The following ATP8A2 variants were observed in gnomAD, a reference collection of about 807,000 sequenced individuals.
The protein encoded by ATP8A2 is ATPase phospholipid transporting 8A2.
In ATP8A2, 100 loss-of-function variants were observed where a neutral mutation model predicts 165.6. The ratio of observed to expected loss-of-function variants is 0.60; its 90% confidence interval spans 0.51 to 0.71. The LOEUF (loss-of-function observed/expected upper bound fraction) is 0.71. Ranked by LOEUF, ATP8A2 falls within the 30% of genes least tolerant of loss-of-function variation. The pLI is 0.00. For synonymous variants in ATP8A2, 543 were observed against 548.8 expected (o/e 0.99, Z 0.15); for missense variants, 1,227 against 1,479.5 (o/e 0.83, Z 2.80).
At chr13:25,968,344 G>C (rs928662794) in intron 34 of ATP8A2, among the ~76,000 whole-genome samples, 1 of 152,178 alleles carries the variant, frequency 6.6e-6, no homozygotes, top group Non-Finnish European at 1.5e-5. Flanking sequence ...GCGGGGTGGG[G>C]GTGACTCTTG....
At chr13:25,589,494 A>C (rs1403030693) in intron 23 of ATP8A2, 141 bp from the exon 24 acceptor site, 1 of 582,678 alleles carries the variant, frequency 1.7e-6, no homozygotes, top group Non-Finnish European at 3.1e-6. Context: ...AAATCAACTT[A>C]CTTTTCCTAC....
intron 2 of ATP8A2, among the ~76,000 whole-genome samples, chr13:25,512,615 GGGA>G (rs2037275310): frequency 2.0e-5 from 3 of 148,322 alleles, no homozygotes; most frequent in South Asian, 2.1e-4. Context: ...CTCCCGGACG[GGGA>G]GGCTGGCTGG....
At chr13:25,404,283 T>A (rs1223894483) in intron 1 of ATP8A2, among the ~76,000 whole-genome samples, 1 of 152,058 alleles carries the variant, frequency 6.6e-6, no homozygotes, top group African/African-American at 2.4e-5. Flanking sequence ...AGCCTGGAGA[T>A]GTGTGAGAGC....
At chr13:25,566,469 G>A (rs2039317087) in intron 16 of ATP8A2, among the ~76,000 whole-genome samples, 2 of 152,218 alleles carry the variant, frequency 1.3e-5, no homozygotes, top group Admixed American at 6.5e-5. Context: ...TTCAGGTTGA[G>A]GGTAACCACA....
intron 25 of ATP8A2, among the ~76,000 whole-genome samples, chr13:25,723,241 C>G (rs537381085): frequency 6.6e-6 from 1 of 152,288 alleles, no homozygotes; most frequent in African/African-American, 2.4e-5. Flanking sequence ...CTAAATAATG[C>G]AAACTTATAT....
chr13:25,586,048 A>G (rs1355815486), intron 23 of ATP8A2, among the ~76,000 whole-genome samples: 1 of 152,208 alleles, frequency 6.6e-6, no homozygotes, highest in Non-Finnish European at 1.5e-5. Context: ...TATGTGCCCG[A>G]TACTGCACTA....
intron 35 of ATP8A2, among the ~76,000 whole-genome samples, chr13:26,007,065 A>G (rs1254751589): frequency 6.7e-6 from 1 of 149,674 alleles, no homozygotes; most frequent in Non-Finnish European, 1.5e-5. Flanking sequence ...TCTTCTCATT[A>G]TTTCAGAATT....
intron 6 of ATP8A2, among the ~76,000 whole-genome samples, chr13:25,534,981 G>C (rs573673120): frequency 2.0e-5 from 3 of 152,226 alleles, no homozygotes; most frequent in Non-Finnish European, 4.4e-5. Flanking sequence ...CTGGGAGAGA[G>C]AGGCAACTAA....
intron 24 of ATP8A2, among the ~76,000 whole-genome samples, chr13:25,636,306 G>T (rs1327473985): frequency 1.3e-5 from 2 of 152,258 alleles, no homozygotes; most frequent in East Asian, 3.9e-4. Context: ...TAAGAAATAT[G>T]AGTTGACAGA....
chr13:25,599,844 TG>T (rs2138363574), intron 24 of ATP8A2, among the ~76,000 whole-genome samples: 1 of 152,336 alleles, frequency 6.6e-6, no homozygotes, highest in South Asian at 2.1e-4. Flanking sequence ...TTTTTTCCAC[TG>T]ATGATTAGGT....
chr13:25,540,196 A>G lies in ATP8A2; in HGVS notation c.582-123A>G, dbSNP rs1430339771. On this transcript the variant is annotated intron_variant, in intron 7 of 36. Coordinates refer to ENST00000381655, the MANE Select transcript of ATP8A2 (RefSeq NM_016529.6). Reference sequence around the variant, plus strand: ...ATCCATTACTCCTACTATCGTGGTTATTTATAACAATTTATTTTGAAGGGC... The same window carrying G: ...ATCCATTACTCCTACTATCGTGGTTGTTTATAACAATTTATTTTGAAGGGC... 4 of 726,420 alleles carry G rather than the reference A, an allele frequency of 5.5e-6. No homozygotes were observed. In the African/African-American group the frequency reaches 7.1e-5, roughly 13 times the overall value. The allele number at this position is 726,420 out of a possible 1,614,324, so 45.0% of individuals were successfully genotyped here. A position where few individuals can be genotyped will look rare whatever the true frequency, so the allele number is the denominator to read the frequency against.
intron 33 of ATP8A2, among the ~76,000 whole-genome samples, chr13:25,884,747 C>G (rs1953090135): frequency 6.6e-6 from 1 of 152,194 alleles, no homozygotes. Context: ...GAATGGGGCC[C>G]AAACATGAGA....
chr13:25,515,898 A>G (rs1448267152), intron 2 of ATP8A2, among the ~76,000 whole-genome samples: 1 of 152,196 alleles, frequency 6.6e-6, no homozygotes, highest in Admixed American at 6.5e-5. Context: ...ACTTTGCTAT[A>G]TATGCACACT....
At chr13:25,566,618 G>A (rs573405470) in intron 16 of ATP8A2, among the ~76,000 whole-genome samples, 2 of 152,294 alleles carry the variant, frequency 1.3e-5, no homozygotes, top group East Asian at 1.9e-4. Flanking sequence ...CGAGGAGAAA[G>A]TAGCAAAGGA....
intron 28 of ATP8A2, among the ~76,000 whole-genome samples, chr13:25,830,751 GCATGCACACATGCCTACACT>G (rs1252703658): frequency 6.6e-6 from 1 of 152,048 alleles, no homozygotes; most frequent in African/African-American, 2.4e-5. Flanking sequence ...ATACTTGTAC[GCATGCACACATGCCTACACT>G]CATGCACACA....
intron 33 of ATP8A2, among the ~76,000 whole-genome samples, chr13:25,946,233 C>T (rs977928245): frequency 6.6e-6 from 1 of 152,192 alleles, no homozygotes; most frequent in African/African-American, 2.4e-5. Flanking sequence ...GTGAGTCCGG[C>T]CACTCAGTGA....
chr13:25,839,138 A>G (rs980902518), intron 29 of ATP8A2, among the ~76,000 whole-genome samples: 1 of 152,154 alleles, frequency 6.6e-6, no homozygotes, highest in Non-Finnish European at 1.5e-5. Flanking sequence ...ACACAGTTTA[A>G]TTGTTAAGAA....
At chr13:25,966,188 C>T (rs1955773240) in intron 34 of ATP8A2, among the ~76,000 whole-genome samples, 2 of 152,170 alleles carry the variant, frequency 1.3e-5, no homozygotes, top group South Asian at 4.1e-4. Flanking sequence ...TCTGTCCCTT[C>T]TGTGGTCATC....
At position 25,955,757 on chromosome 13, in the gene ATP8A2, G is replaced by A. The variant is rs145735005; in HGVS notation, c.3184-5818G>A. ...TTCCAAACAATAGAAAAAGAGGGAC[G>A]CCTCCCTAAATCATTTTATGAGGCC... On this transcript the variant is annotated intron_variant, in intron 33 of 36. Coordinates refer to ENST00000381655, the MANE Select transcript of ATP8A2 (RefSeq NM_016529.6). Among the ~76,000 whole-genome samples, 775 of 152,142 alleles carry A rather than the reference G, an allele frequency of 5.1e-3. 8 individuals are homozygous for A. The highest frequency in any genetic ancestry group is 0.018 in the African/African-American group (732 of 41,518).
Sources: gnomAD v4.1 joint callset for allele counts (sites outside exome capture counted in the v4.1 genomes callset) on GRCh38, gnomAD v4.1.1 for gene constraint, MANE v1.5 for transcripts, NCBI Gene and HGNC (gene_info 2026-07-23, HGNC 2026-07-21) for gene names.